CDH13: variants seen among roughly 807,000 people sequenced by gnomAD.
CDH13 encodes cadherin-13.
Under a neutral mutation model 63.8 loss-of-function variants are expected in CDH13, and 24 were observed. The observed-to-expected ratio is 0.38, with a 90% CI of 0.27 to 0.53. The LOEUF is 0.53. CDH13 is among the 20% of genes least tolerant of loss of function. The probability of loss-of-function intolerance (pLI) is 0.85; values close to 1 mark genes in which losing one functional copy is unlikely to be tolerated. For synonymous variants in CDH13, 503 were observed against 355.3 expected (o/e 1.42, Z -4.67); for missense variants, 1,049 against 903.1 (o/e 1.16, Z -2.07).
chr16:82,649,235 G>GGTCACACACAA (rs1254239348), intron 1 of CDH13, among the ~76,000 whole-genome samples: 1 of 152,130 alleles, frequency 6.6e-6, no homozygotes, highest in Non-Finnish European at 1.5e-5. Context: ...AGGTCACACA[G>GGTCACACACAA]GGTCCAAACT....
chr16:83,033,940 G>T (rs1010248186), intron 3 of CDH13, among the ~76,000 whole-genome samples: 3 of 152,120 alleles, frequency 2.0e-5, no homozygotes, highest in East Asian at 1.9e-4. Context: ...TTCTCCACCT[G>T]CCATATTAGC....
intron 2 of CDH13, among the ~76,000 whole-genome samples, chr16:82,860,594 T>C (rs1029533389): frequency 6.6e-6 from 1 of 152,058 alleles, no homozygotes; most frequent in African/African-American, 2.4e-5. Flanking sequence ...TCAGCAAAAT[T>C]TGATTAGCCC....
At chr16:83,281,644 G>A (rs1210375387) in intron 5 of CDH13, among the ~76,000 whole-genome samples, 2 of 151,852 alleles carry the variant, frequency 1.3e-5, no homozygotes, top group African/African-American at 2.4e-5. Flanking sequence ...AGTGGTGGCT[G>A]ACACCTGTAA....
rs550552180 is a variant in CDH13 at position 83,749,499 on chromosome 16, G to C, written c.1681+1249G>C. On this transcript the variant is annotated intron_variant, in intron 11 of 13. Coordinates refer to ENST00000567109, the MANE Select transcript of CDH13 (RefSeq NM_001257.5). ...AAAGGAAAAAATAACTGTTGTGTCTGCTATAAGTGCGTATGTAGGAATCTA... is the reference window on the plus strand; with the variant it reads ...AAAGGAAAAAATAACTGTTGTGTCTCCTATAAGTGCGTATGTAGGAATCTA... Among the ~76,000 whole-genome samples the C allele has an allele frequency of 1.6e-4, 24 of 152,318 alleles. 1 individual carries two copies. The highest frequency in any genetic ancestry group is 5.5e-4 in the African/African-American group (23 of 41,574).
At chr16:82,655,318 T>A (rs546171410) in intron 1 of CDH13, among the ~76,000 whole-genome samples, 2 of 152,276 alleles carry the variant, frequency 1.3e-5, no homozygotes, top group African/African-American at 4.8e-5. Context: ...GTGACGAAGG[T>A]GCTCCTTGTG....
At chr16:82,690,657 A>T (rs1915555799) in intron 1 of CDH13, among the ~76,000 whole-genome samples, 1 of 152,252 alleles carries the variant, frequency 6.6e-6, no homozygotes, top group African/African-American at 2.4e-5. Context: ...TTGTACCCAC[A>T]GTAATGAAGC....
chr16:83,581,238 G>A (rs1031972446), intron 7 of CDH13, among the ~76,000 whole-genome samples: 3 of 152,184 alleles, frequency 2.0e-5, no homozygotes, highest in Non-Finnish European at 2.9e-5. Context: ...GCTGACAGTT[G>A]AGTCATTTAT....
intron 2 of CDH13, among the ~76,000 whole-genome samples, chr16:83,028,883 G>A (rs1209092939): frequency 6.6e-6 from 1 of 152,160 alleles, no homozygotes; most frequent in Non-Finnish European, 1.5e-5. Flanking sequence ...CAGAAGGGTT[G>A]TATTCTCCAT....
intron 10 of CDH13, among the ~76,000 whole-genome samples, chr16:83,707,354 C>A (rs1907236411): frequency 6.6e-6 from 1 of 152,176 alleles, no homozygotes; most frequent in Admixed American, 6.5e-5. Context: ...ATTATTACCT[C>A]CTTCTTTGTC....
intron 1 of CDH13, among the ~76,000 whole-genome samples, chr16:82,675,526 C>A (rs866228042): frequency 6.6e-6 from 1 of 152,150 alleles, no homozygotes; most frequent in African/African-American, 2.4e-5. Flanking sequence ...CTCCTTGGCC[C>A]AGCACAGTTT....
At chr16:83,205,977 G>T (rs1321157974) in intron 4 of CDH13, among the ~76,000 whole-genome samples, 1 of 152,084 alleles carries the variant, frequency 6.6e-6, no homozygotes, top group East Asian at 1.9e-4. Context: ...TGTAGGTTGG[G>T]ATATATTATT....
intron 1 of CDH13, among the ~76,000 whole-genome samples, chr16:82,660,595 G>A (rs1213458764): frequency 6.6e-6 from 1 of 151,372 alleles, no homozygotes; most frequent in Non-Finnish European, 1.5e-5. Flanking sequence ...TGACAACCTA[G>A]GGCCCAGGAG....
chr16:82,664,289 T>C (rs558006998), intron 1 of CDH13, among the ~76,000 whole-genome samples: 2 of 152,348 alleles, frequency 1.3e-5, no homozygotes, highest in South Asian at 4.1e-4. Context: ...GGAGGGTTGT[T>C]GGAAGACAAA....
intron 5 of CDH13, among the ~76,000 whole-genome samples, chr16:83,226,650 C>A (rs548706081): frequency 3.9e-4 from 59 of 152,308 alleles, no homozygotes; most frequent in Non-Finnish European, 4.4e-5. Context: ...CATTTTCTTT[C>A]CCAAGGTGCG....
intron 2 of CDH13, among the ~76,000 whole-genome samples, chr16:82,992,181 C>G (rs1372459609): frequency 6.6e-6 from 1 of 152,104 alleles, no homozygotes; most frequent in African/African-American, 2.4e-5. Context: ...GAAGTATGTC[C>G]TAGTCCAGCC....
At chr16:83,501,704 G>C (rs1175466923) in intron 7 of CDH13, among the ~76,000 whole-genome samples, 1 of 152,192 alleles carries the variant, frequency 6.6e-6, no homozygotes, top group African/African-American at 2.4e-5. Flanking sequence ...TGGAGAGCCA[G>C]GGCATTGGAT....
chr16:83,676,312 C>T (rs758700947), intron 9 of CDH13, among the ~76,000 whole-genome samples: 1 of 152,150 alleles, frequency 6.6e-6, no homozygotes, highest in Non-Finnish European at 1.5e-5. Flanking sequence ...GTGATTAGTG[C>T]TGGTGTGGGG....
intron 7 of CDH13, among the ~76,000 whole-genome samples, chr16:83,509,908 C>A (rs558423788): frequency 1.3e-5 from 2 of 152,164 alleles, no homozygotes; most frequent in African/African-American, 4.8e-5. Flanking sequence ...GGCTCAAGGT[C>A]ACACAGCTAC....
intron 1 of CDH13, among the ~76,000 whole-genome samples, chr16:82,660,784 T>TC (rs1334035010): frequency 6.6e-6 from 1 of 152,144 alleles, no homozygotes; most frequent in Non-Finnish European, 1.5e-5. Flanking sequence ...TGGTTTTCTT[T>TC]CCCCCCTCGT....
Sources: allele counts gnomAD v4.1 joint callset (sites outside exome capture counted in the v4.1 genomes callset), GRCh38; gene constraint gnomAD v4.1.1; transcripts MANE v1.5; gene names NCBI Gene and HGNC (gene_info 2026-07-23, HGNC 2026-07-21).